ADAMTSL1: variants seen among roughly 807,000 people sequenced by gnomAD.
The protein encoded by ADAMTSL1 is ADAMTS like 1, also known as ADAMTS-like protein 1.
Under a neutral mutation model 201.8 loss-of-function variants are expected in ADAMTSL1, and 126 were observed. The ratio of observed to expected loss-of-function variants is 0.62; its 90% CI spans 0.54 to 0.72. The LOEUF (loss-of-function observed/expected upper bound fraction) is 0.72. ADAMTSL1 is among the 30% of genes least tolerant of loss of function. The probability of loss-of-function intolerance (pLI) is 0.00; values close to 1 mark genes in which losing one functional copy is unlikely to be tolerated. For synonymous variants in ADAMTSL1, 1,121 were observed against 903.4 expected (o/e 1.24, Z -4.32); for missense variants, 2,679 against 2,277.8 (o/e 1.18, Z -3.59).
intron 2 of ADAMTSL1, among the ~76,000 whole-genome samples, chr9:18,316,928 C>T (rs964505429): frequency 6.6e-6 from 1 of 152,152 alleles, no homozygotes. Flanking sequence ...ATCTACACCT[C>T]CATATTTATT....
chr9:18,767,175 T>C (rs1820414934), intron 16 of ADAMTSL1, among the ~76,000 whole-genome samples: 1 of 152,174 alleles, frequency 6.6e-6, no homozygotes, highest in Non-Finnish European at 1.5e-5. Context: ...TAATTCAAGA[T>C]GCCTATTTGC....
intron 1 of ADAMTSL1, among the ~76,000 whole-genome samples, chr9:18,501,712 C>A (rs1464819886): frequency 6.6e-6 from 1 of 152,156 alleles, no homozygotes; most frequent in African/African-American, 2.4e-5. Flanking sequence ...GCAGAAAAAT[C>A]ACTTTCTCCA....
rs532333293 is a variant in ADAMTSL1 at position 18,408,358 on chromosome 9, C to A, written c.208-96471C>A. Among the ~76,000 whole-genome samples the A allele has an allele frequency of 3.9e-5, 6 of 152,166 alleles. No homozygotes were observed. The South Asian group carries it at 1.0e-3, about 26-fold the overall frequency. ...TGGTGGTAGGCACCTGTAATCCCAG[C>A]GACTTGGGAGGCTGAGGCAGGAGAA... is the stretch of plus-strand genomic sequence containing the variant. On this transcript the variant is annotated intron_variant, in intron 2 of 29. Coordinates refer to the ADAMTSL1 transcript ENST00000680146.
At chr9:18,017,165 A>G (rs554107235) in intron 1 of ADAMTSL1, among the ~76,000 whole-genome samples, 47 of 152,180 alleles carry the variant, frequency 3.1e-4, no homozygotes, top group African/African-American at 1.0e-3. Context: ...ATAGTTTACA[A>G]AGGATATTCA....
chr9:18,872,053 C>T (rs981697635), intron 23 of ADAMTSL1, among the ~76,000 whole-genome samples: 1 of 152,186 alleles, frequency 6.6e-6, no homozygotes, highest in African/African-American at 2.4e-5. Flanking sequence ...AGCCACACTA[C>T]AAGTTTTCTC....
At chr9:18,870,396 T>G (rs994906733) in intron 23 of ADAMTSL1, among the ~76,000 whole-genome samples, 1 of 152,244 alleles carries the variant, frequency 6.6e-6, no homozygotes, top group Non-Finnish European at 1.5e-5. Context: ...TAACTCAAAC[T>G]CTAGCCTCTA....
intron 2 of ADAMTSL1, among the ~76,000 whole-genome samples, chr9:18,395,392 A>G (rs1056100345): frequency 3.3e-5 from 5 of 152,212 alleles, no homozygotes; most frequent in South Asian, 2.1e-4. Flanking sequence ...TGCAGCATTC[A>G]GCATAAAATA....
intron 3 of ADAMTSL1, among the ~76,000 whole-genome samples, chr9:18,558,233 C>T (rs928420015): frequency 1.6e-4 from 25 of 152,228 alleles, no homozygotes; most frequent in African/African-American, 5.5e-4. Context: ...TTGTTCAACT[C>T]CAACTTATGA....
intron 4 of ADAMTSL1, among the ~76,000 whole-genome samples, chr9:18,600,931 C>A (rs1192524979): frequency 6.6e-6 from 1 of 152,166 alleles, no homozygotes; most frequent in Admixed American, 6.5e-5. Flanking sequence ...TTCCAACCCC[C>A]ACATCATCTT....
At position 18,812,186 on chromosome 9, in the gene ADAMTSL1, G is replaced by C. The variant is rs529488750; in HGVS notation, c.3806-4923G>C. Among the ~76,000 whole-genome samples the C allele has an allele frequency of 2.6e-5, 4 of 152,226 alleles. No individual in the cohort carries two copies. The South Asian group carries it at 8.3e-4, about 32-fold the overall frequency. On this transcript the variant is annotated intron_variant, in intron 20 of 28. Coordinates refer to ENST00000380548, the MANE Select transcript of ADAMTSL1 (RefSeq NM_001040272.6). ...ACCTAATTTCAGAATTAGTTATATA[G>C]CTACAATAAATAATATTGTGTGATA...
At chr9:18,189,446 A>G (rs956210712) in intron 2 of ADAMTSL1, among the ~76,000 whole-genome samples, 1 of 152,208 alleles carries the variant, frequency 6.6e-6, no homozygotes, top group African/African-American at 2.4e-5. Context: ...TCTCAAGACA[A>G]CTAGCAAGCA....
chr9:18,279,993 T>C (rs1832723826), intron 2 of ADAMTSL1, among the ~76,000 whole-genome samples: 1 of 152,112 alleles, frequency 6.6e-6, no homozygotes, highest in Non-Finnish European at 1.5e-5. Context: ...TGGAACCTTG[T>C]TCCATGGGGC....
rs148241721 is a variant in ADAMTSL1 at position 18,375,666 on chromosome 9, G to A, written c.208-129163G>A. ...GTGAGTGTTACAGCTCATAAAGGTG[G>A]TGTGGACCCAAAGAGTGAGCAGCAG... On this transcript the variant is annotated intron_variant, in intron 2 of 29. Transcript: ENST00000680146. Among the ~76,000 whole-genome samples, 943 of 152,322 alleles carry A rather than the reference G, an allele frequency of 6.2e-3. 11 individuals carry two copies. Among genetic ancestry groups the A allele is most frequent in the African/African-American group, 0.022 (911 of 41,572 alleles).
intron 7 of ADAMTSL1, among the ~76,000 whole-genome samples, chr9:18,653,953 T>G (rs1019175157): frequency 2.6e-5 from 4 of 152,130 alleles, no homozygotes; most frequent in African/African-American, 4.8e-5. Context: ...TGGGGTTGGG[T>G]GTGGTGGCTC....
At chr9:18,791,764 T>G (rs1192584204) in intron 19 of ADAMTSL1, among the ~76,000 whole-genome samples, 2 of 152,214 alleles carry the variant, frequency 1.3e-5, no homozygotes, top group Non-Finnish European at 2.9e-5. Flanking sequence ...ATATAGTGTT[T>G]ATGGAATAAT....
chr9:18,305,253 T>C (rs1413598990), intron 2 of ADAMTSL1, among the ~76,000 whole-genome samples: 1 of 152,196 alleles, frequency 6.6e-6, no homozygotes, highest in African/African-American at 2.4e-5. Context: ...ACCAGGGTCC[T>C]GGGTTTCAAG....
chr9:18,467,330 T>C (rs1021812326), intron 2 of ADAMTSL1, among the ~76,000 whole-genome samples: 1 of 152,138 alleles, frequency 6.6e-6, no homozygotes, highest in African/African-American at 2.4e-5. Flanking sequence ...TAGAAAAACG[T>C]TTGCCACCAC....
intron 2 of ADAMTSL1, among the ~76,000 whole-genome samples, chr9:18,184,812 A>G (rs1828660985): frequency 1.3e-5 from 2 of 152,234 alleles, no homozygotes; most frequent in Admixed American, 1.3e-4. Context: ...AAAATCACGT[A>G]TTAAATACCT....
intron 1 of ADAMTSL1, among the ~76,000 whole-genome samples, chr9:18,038,554 G>C (rs981699477): frequency 2.0e-5 from 3 of 152,130 alleles, no homozygotes; most frequent in African/African-American, 4.8e-5. Flanking sequence ...TGTATCTTTT[G>C]TGTCTGCTAT....
Sources: gnomAD v4.1 joint callset for allele counts (sites outside exome capture counted in the v4.1 genomes callset) on GRCh38, gnomAD v4.1.1 for gene constraint, MANE v1.5 for transcripts, NCBI Gene and HGNC (gene_info 2026-07-23, HGNC 2026-07-21) for gene names.